Variants in C2orf76 observed in about 807,000 individuals in gnomAD.
C2orf76 encodes UPF0538 protein C2orf76.
In C2orf76, 23 loss-of-function variants were observed where a neutral mutation model predicts 16.9. The ratio of observed to expected loss-of-function variants is 1.36; its 90% CI spans 0.98 to 1.93. The LOEUF is 1.93. Ranked by LOEUF, C2orf76 falls within the 30% of genes most tolerant of loss-of-function variation. The pLI is 0.00. For missense variants in C2orf76, 152 were observed against 152.6 expected (o/e 1.00, Z 0.02); for synonymous variants, 48 against 52.3 (o/e 0.92, Z 0.35).
chr2:119,314,014 GTTTTT>G (rs368623211), intron 4 of C2orf76, among the ~76,000 whole-genome samples: 2 of 86,166 alleles, frequency 2.3e-5, no homozygotes, highest in Non-Finnish European at 4.2e-5. Context: ...TTTCTCAGTG[GTTTTT>G]TTTTTTTTTT....
At chr2:119,294,404 G>A in the C2orf76 span, among the ~76,000 whole-genome samples, 1 of 152,148 alleles carries the variant, frequency 6.6e-6, no homozygotes, top group Non-Finnish European at 1.5e-5. Context: ...AGGGAAGATG[G>A]GGCGGCTCTT....
chr2:119,347,463 G>A (rs982566973), intron 1 of C2orf76, among the ~76,000 whole-genome samples: 1 of 152,120 alleles, frequency 6.6e-6, no homozygotes, highest in East Asian at 1.9e-4. Flanking sequence ...TATTATGGTT[G>A]TGTTTTTAAG....
chr2:119,342,192 G>A (rs1049649222), intron 1 of C2orf76, among the ~76,000 whole-genome samples: 5 of 152,178 alleles, frequency 3.3e-5, no homozygotes, highest in African/African-American at 7.2e-5. Context: ...TGAAGTACAA[G>A]CATTAAACAT....
intron 1 of C2orf76, chr2:119,366,324 A>G: frequency 2.4e-6 from 1 of 421,946 alleles, no homozygotes; most frequent in South Asian, 1.7e-5. Context: ...TTAAATCAAG[A>G]CAAATAAGAC....
the C2orf76 span, among the ~76,000 whole-genome samples, chr2:119,284,882 A>C: frequency 2.1e-3 from 326 of 152,316 alleles, no homozygotes; most frequent in Non-Finnish European, 3.8e-3. Context: ...AGGTAGCATA[A>C]GGTGAAAAAC....
intron 1 of C2orf76, among the ~76,000 whole-genome samples, chr2:119,365,689 C>G (rs1025605979): frequency 1.3e-5 from 2 of 152,152 alleles, no homozygotes; most frequent in Non-Finnish European, 2.9e-5. Flanking sequence ...CTCTCTTCAC[C>G]CAGCTCCTTT....
rs56129540 is a variant in C2orf76, at chr2:119,333,082, G to A, written c.133+6745C>T. ...ATAAAGTACTTAAATTAAAGAATGC[G>A]CAGCACATCCTGTAGTAGAGTAGTA... On this transcript the variant is annotated intron_variant, in intron 2 of 5. Transcript: ENST00000334816. Among the ~76,000 whole-genome samples the A allele has an allele frequency of 9.6e-3, 1,469 of 152,242 alleles. 13 individuals are homozygous for A. The highest frequency in any genetic ancestry group is 0.017 in the Non-Finnish European group (1,145 of 68,032).
Position 119,310,343 on chromosome 2 carries a change from T to C in C2orf76, c.304+1279A>G, listed in dbSNP as rs544836639. The stretch of plus-strand genomic sequence containing the variant: ...AAAATCATTCTTCAAAATAACAACC[T>C]TACATATTCATAACATGGAAAGACA... On this transcript the variant is annotated intron_variant, in intron 5 of 5. Transcript: ENST00000334816. Among the ~76,000 whole-genome samples the C allele has an allele frequency of 3.3e-5, 5 of 152,304 alleles. No homozygotes were observed. The East Asian group carries it at 5.8e-4, about 18-fold the overall frequency.
chr2:119,291,701 T>C, the C2orf76 span, among the ~76,000 whole-genome samples: 1 of 152,032 alleles, frequency 6.6e-6, no homozygotes, highest in East Asian at 1.9e-4. Context: ...CCCTGCCTTG[T>C]AGGAAGAGGC....
intron 2 of C2orf76, among the ~76,000 whole-genome samples, chr2:119,331,752 G>GT (rs1166831441): frequency 1.3e-5 from 2 of 152,100 alleles, no homozygotes; most frequent in Non-Finnish European, 2.9e-5. Context: ...ATTATACATA[G>GT]TTTTTTTAGT....
intron 5 of C2orf76, among the ~76,000 whole-genome samples, chr2:119,309,564 C>T (rs908972806): frequency 6.6e-5 from 10 of 151,902 alleles, no homozygotes; most frequent in East Asian, 5.8e-4. Context: ...GGATTACAGG[C>T]GTGTGCCACC....
chr2:119,289,404 G>A, the C2orf76 span, among the ~76,000 whole-genome samples: 2 of 151,982 alleles, frequency 1.3e-5, no homozygotes, highest in African/African-American at 4.8e-5. Context: ...AAAGCGCAGG[G>A]TGGCCGGGCG....
intron 3 of C2orf76, among the ~76,000 whole-genome samples, chr2:119,320,345 T>C (rs979412961): frequency 6.6e-6 from 1 of 152,350 alleles, no homozygotes; most frequent in Non-Finnish European, 1.5e-5. Context: ...AGAAGTTTCA[T>C]ATTTACCTTA....
chr2:119,343,666 C>T (rs1680107540), intron 1 of C2orf76, among the ~76,000 whole-genome samples: 1 of 152,186 alleles, frequency 6.6e-6, no homozygotes, highest in African/African-American at 2.4e-5. Context: ...GGCGTGGTGG[C>T]ACATGCCTGT....
At chr2:119,324,300 CTTA>C (rs1311344915) in intron 2 of C2orf76, among the ~76,000 whole-genome samples, 1 of 152,214 alleles carries the variant, frequency 6.6e-6, no homozygotes. Flanking sequence ...GCCTTTACAT[CTTA>C]ACTGAAGTGC....
rs140996420 is a variant in C2orf76, at chr2:119,309,906, T to C, written c.304+1716A>G. Among the ~76,000 whole-genome samples, 4 of 152,340 alleles carry C rather than the reference T, an allele frequency of 2.6e-5. No individual in the cohort carries two copies. The East Asian group carries it at 7.7e-4, about 29-fold the overall frequency. On this transcript the variant is annotated intron_variant, in intron 5 of 5. Transcript: ENST00000334816. ...CTTCTCCTTCCCAAGATTATGAAAT[T>C]ATTGAACTACACTTTCTTTTTAAAA... is the stretch of plus-strand genomic sequence containing the variant.
chr2:119,350,913 T>C (rs1028461110), intron 1 of C2orf76, among the ~76,000 whole-genome samples: 2 of 152,088 alleles, frequency 1.3e-5, no homozygotes, highest in African/African-American at 4.8e-5. Context: ...GAGCCGAGCA[T>C]CCAGATAAGC....
intron 2 of C2orf76, among the ~76,000 whole-genome samples, chr2:119,330,353 CA>C (rs371947780): frequency 0.021 from 2,874 of 137,518 alleles, 30 homozygotes; most frequent in South Asian, 0.058. Flanking sequence ...CTCTCCATCT[CA>C]AAAAAAAAAA....
intron 1 of C2orf76, among the ~76,000 whole-genome samples, chr2:119,362,618 C>T (rs966623805): frequency 2.0e-5 from 3 of 152,150 alleles, no homozygotes; most frequent in Non-Finnish European, 4.4e-5. Flanking sequence ...TTCATTATTC[C>T]TGCCCATAAT....
Sources: gnomAD v4.1 joint callset for allele counts (sites outside exome capture counted in the v4.1 genomes callset) on GRCh38, gnomAD v4.1.1 for gene constraint, MANE v1.5 for transcripts, NCBI Gene and HGNC (gene_info 2026-07-23, HGNC 2026-07-21) for gene names.